ANK3: variants seen among roughly 807,000 people sequenced by gnomAD.
ANK3 encodes the protein ankyrin 3.
Under a neutral mutation model 370.9 loss-of-function variants are expected in ANK3, and 57 were observed. The observed-to-expected ratio is 0.15, with a 90% CI of 0.12 to 0.19. The LOEUF (loss-of-function observed/expected upper bound fraction) is 0.19. Ranked by LOEUF, ANK3 falls within the 10% of genes least tolerant of loss-of-function variation. The pLI, the probability that ANK3 is intolerant of heterozygous loss-of-function variation, is 1.00. For missense variants in ANK3, 4,439 were observed against 5,302.1 expected, an observed-to-expected ratio of 0.84 and a Z score of 5.06; for synonymous variants, 1,929 against 1,946.3, an observed-to-expected ratio of 0.99 and a Z score of 0.23.
intron 2 of ANK3, among the ~76,000 whole-genome samples, chr10:60,593,668 A>T (rs2077947549): frequency 6.6e-6 from 1 of 152,166 alleles, no homozygotes; most frequent in African/African-American, 2.4e-5. Context: ...CCAAATGTGT[A>T]TTTACTACAA....
chr10:60,481,969 T>C (rs12771347), intron 2 of ANK3, among the ~76,000 whole-genome samples: 57,605 of 152,048 alleles, frequency 0.38, 11,499 homozygotes, highest in Non-Finnish European at 0.45. Context: ...TCCAGAAGCG[T>C]CAGTGGAGAC....
rs1047782159 is a variant in ANK3 at position 60,027,019 on chromosome 10, A to G, written c.*2827T>C. 4.6e-5 allele frequency: 7 copies of G among 152,194 alleles called. No homozygotes were observed. The highest frequency in any genetic ancestry group is 8.8e-5 in the Non-Finnish European group (6 of 68,024). The allele number at this position is 152,194 out of a possible 1,614,324, so 9.4% of individuals were successfully genotyped here. On this transcript the variant is annotated 3_prime_UTR_variant, in exon 44 of 44. Transcript: ENST00000280772. The stretch of plus-strand genomic sequence containing the variant: ...TGCATATACACACATATGCAAGTTA[A>G]ATCTTGAATGTCATATTTTGGATAC...
intron 2 of ANK3, among the ~76,000 whole-genome samples, chr10:60,453,257 C>T (rs1300847453): frequency 3.9e-5 from 6 of 152,158 alleles, no homozygotes; most frequent in Non-Finnish European, 5.9e-5. Context: ...GACTGAATTG[C>T]ACACTGCTGG....
intron 1 of ANK3, among the ~76,000 whole-genome samples, chr10:60,326,689 T>C (rs1056931160): frequency 6.6e-6 from 1 of 151,962 alleles, no homozygotes; most frequent in Admixed American, 6.6e-5. Context: ...TTTAAATGAA[T>C]AGGTGGATGT....
At chr10:60,450,224 T>G (rs1388835740) in intron 2 of ANK3, among the ~76,000 whole-genome samples, 9 of 151,976 alleles carry the variant, frequency 5.9e-5, no homozygotes, top group African/African-American at 2.2e-4. Flanking sequence ...AGCCCAGGAG[T>G]TGGAGGCTGC....
At chr10:60,300,628 A>G (rs2043491082) in intron 1 of ANK3, 1 of 1,000,082 alleles carries the variant, frequency 1.0e-6, no homozygotes, top group East Asian at 6.5e-5. Context: ...TTTAGTCATG[A>G]TATGTGGAAT....
chr10:60,459,990 G>A (rs554209366), intron 2 of ANK3, among the ~76,000 whole-genome samples: 1 of 152,196 alleles, frequency 6.6e-6, no homozygotes, highest in South Asian at 2.1e-4. Flanking sequence ...TGAGAAAGCT[G>A]GAACAGCTCA....
intron 1 of ANK3, among the ~76,000 whole-genome samples, chr10:60,363,876 G>A (rs956364752): frequency 2.6e-5 from 4 of 151,244 alleles, no homozygotes; most frequent in African/African-American, 9.8e-5. Flanking sequence ...GAAAAACATC[G>A]TAAGTTTTTA....
intron 1 of ANK3, among the ~76,000 whole-genome samples, chr10:60,330,499 C>T (rs527583140): frequency 7.2e-5 from 11 of 152,120 alleles, no homozygotes; most frequent in East Asian, 3.9e-4. Context: ...GACATTTATG[C>T]GGCCAACAAA....
At chr10:60,517,255 G>A (rs2076241745) in intron 2 of ANK3, among the ~76,000 whole-genome samples, 1 of 152,020 alleles carries the variant, frequency 6.6e-6, no homozygotes, top group Non-Finnish European at 1.5e-5. Context: ...GTAGAGTCGA[G>A]GTTTCCCATG....
chr10:60,529,673 C>T (rs567345300), intron 2 of ANK3, among the ~76,000 whole-genome samples: 6 of 152,220 alleles, frequency 3.9e-5, no homozygotes, highest in Non-Finnish European at 8.8e-5. Context: ...CTTACAAACA[C>T]CAGCTAACAG....
intron 1 of ANK3, among the ~76,000 whole-genome samples, chr10:60,623,885 C>T (rs952279800): frequency 3.3e-5 from 5 of 152,136 alleles, no homozygotes; most frequent in Non-Finnish European, 7.3e-5. Context: ...TGGTAGGGTG[C>T]CTGTGGCTAC....
intron 2 of ANK3, among the ~76,000 whole-genome samples, chr10:60,543,169 G>A (rs1331908596): frequency 6.6e-6 from 1 of 151,898 alleles, no homozygotes; most frequent in Non-Finnish European, 1.5e-5. Context: ...TATATGTGAA[G>A]GCAGAGCTGT....
At chr10:60,108,632 C>G (rs528961801) in intron 27 of ANK3, among the ~76,000 whole-genome samples, 198 bp downstream of exon 27, 9 of 152,228 alleles carry the variant, frequency 5.9e-5, no homozygotes, top group Non-Finnish European at 1.3e-4. Flanking sequence ...CCTTGACTAG[C>G]AAACTGAGTT....
intron 14 of ANK3, 26 bp from the exon 15 acceptor site, chr10:60,196,651 A>T (rs2096591247): frequency 7.0e-7 from 1 of 1,434,312 alleles, no homozygotes; most frequent in Non-Finnish European, 9.7e-7. Flanking sequence ...CATAAAAATA[A>T]TGAACAATAG....
chr10:60,395,632 C>T (rs1306340285), intron 2 of ANK3, among the ~76,000 whole-genome samples: 61 of 148,790 alleles, frequency 4.1e-4, no homozygotes, highest in East Asian at 4.0e-3. Context: ...CTCTCTCTCT[C>T]TCTCTCTCTC....
At chr10:60,068,472 A>G (rs1278889016) in intron 37 of ANK3, among the ~76,000 whole-genome samples, 165 bp downstream of exon 37, 1 of 152,276 alleles carries the variant, frequency 6.6e-6, no homozygotes, top group Non-Finnish European at 1.5e-5. Flanking sequence ...ACGACAGCAC[A>G]TACAGATGAC....
At chr10:60,190,041 C>T (rs2096445177) in intron 16 of ANK3, among the ~76,000 whole-genome samples, 1 of 152,152 alleles carries the variant, frequency 6.6e-6, no homozygotes, top group African/African-American at 2.4e-5. Context: ...AGCATAAGGT[C>T]CTGCCACAGG....
At chr10:60,275,710 A>C (rs1318299686) in intron 4 of ANK3, among the ~76,000 whole-genome samples, 1 of 152,174 alleles carries the variant, frequency 6.6e-6, no homozygotes, top group Non-Finnish European at 1.5e-5. Context: ...CCAAGGAGGC[A>C]CTGGCTAACC....
Sources: gnomAD v4.1 joint callset for allele counts (sites outside exome capture counted in the v4.1 genomes callset) on GRCh38, gnomAD v4.1.1 for gene constraint, MANE v1.5 for transcripts, NCBI Gene and HGNC (gene_info 2026-07-23, HGNC 2026-07-21) for gene names.